The following SPTBN5 variants were observed in gnomAD, a reference collection of about 807,000 sequenced individuals.
SPTBN5 encodes spectrin beta chain, non-erythrocytic 5.
Under a neutral mutation model 477.6 loss-of-function variants are expected in SPTBN5, and 513 were observed. That is an observed-to-expected ratio of 1.07 (90% confidence interval 1.00 to 1.16). The LOEUF (loss-of-function observed/expected upper bound fraction) is 1.16. SPTBN5 is among the 50% of genes most tolerant of loss of function. The pLI is 0.00. For missense variants in SPTBN5, 5,062 were observed against 4,731.8 expected, an observed-to-expected ratio of 1.07 and a Z score of -2.05; for synonymous variants, 2,169 against 2,011.7, an observed-to-expected ratio of 1.08 and a Z score of -2.09.
Position 41,893,461 on chromosome 15 carries a change from C to G in SPTBN5, c.37G>C (p.Gly13Arg), listed in dbSNP as rs377126279. ...CTCCTGCTGCGGTGCCCTGCAGCCCCGAGGAGCTCCCGGGGACTGTGGGGC... is the reference window on the plus strand; with the variant it reads ...CTCCTGCTGCGGTGCCCTGCAGCCCGGAGGAGCTCCCGGGGACTGTGGGGC... ...GQPHSPRELL[G>R]AAGHRSRRPS... Residue 13 changes from glycine to arginine, a missense_variant, in exon 2 of 68, where the codon GGG becomes CGG. Gly to Arg is a moderately radical substitution (Grantham distance 125). Transcript: ENST00000320955. The G allele has an allele frequency of 2.5e-6, 4 of 1,605,160 alleles. No homozygotes were observed. Among genetic ancestry groups the G allele is most frequent in the Non-Finnish European group, 3.4e-6 (4 of 1,177,598 alleles).
intron 22 of SPTBN5, among the ~76,000 whole-genome samples, 169 bp from the exon 23 acceptor site, chr15:41,875,225 GCTT>G (rs1185183477): frequency 3.3e-5 from 5 of 152,200 alleles, no homozygotes; most frequent in Non-Finnish European, 5.9e-5. Flanking sequence ...GTTCCCTCAC[GCTT>G]CTTCTTCCCT....
Position 41,881,922 on chromosome 15 carries a change from G to A in SPTBN5, c.2457+14C>T. The A allele has an allele frequency of 1.3e-6, 2 of 1,524,068 alleles. No homozygotes were observed. Among genetic ancestry groups the A allele is most frequent in the Non-Finnish European group, 1.7e-6 (2 of 1,143,956 alleles). 94.4% of individuals were successfully genotyped at this position (1,524,068 alleles called of 1,614,324 possible). A position where few individuals can be genotyped will look rare whatever the true frequency, so the allele number is the denominator to read the frequency against. ...CAAGGGAGACCAGGCGCCCTTCCCT[G>A]TCCCCGTCCTCACCGTGAATAACGA... On this transcript the variant is annotated intron_variant, in intron 12 of 67. Transcript: ENST00000320955.
chr15:41,855,567 C>A lies in SPTBN5; in HGVS notation c.9200G>T (p.Ser3067Ile). 6.2e-7 allele frequency: 1 copy of A among 1,610,816 alleles called. No individual in the cohort carries two copies. Among genetic ancestry groups the A allele is most frequent in the Non-Finnish European group, 8.5e-7 (1 of 1,178,690 alleles). The change falls in exon 54 of 68, where the codon AGC (serine) becomes ATC (isoleucine). Residue 3067 changes from serine (S) to isoleucine (I), a missense_variant. Ser to Ile is a moderately radical substitution (Grantham distance 142). Transcript: ENST00000320955. ...CGCCCACCTTTCTGGGTTCTTCCTG[C>A]TCTCCAGGAGTGCTGCTGTCTGCTG... The part of the protein sequence containing the change: ...RLQQTAALLE[S>I]RKNPESPKVL...
At chr15:41,892,054 C>G (rs1405760762) in intron 3 of SPTBN5, among the ~76,000 whole-genome samples, 2 of 152,186 alleles carry the variant, frequency 1.3e-5, no homozygotes, top group African/African-American at 4.8e-5. Context: ...GCGTTCTGCT[C>G]TTGCACCTGC....
Position 41,864,035 on chromosome 15 carries a change from G to C in SPTBN5, c.6919-11C>G, listed in dbSNP as rs1277695128. On this transcript the variant is annotated splice_polypyrimidine_tract_variant and intron_variant, in intron 39 of 67. Transcript: ENST00000320955. ...ATCACCCACTGTGTCCTGCAGGGGA[G>C]GTATGGGTGAGGGCATTGGCACCCC... 1 of 1,606,552 alleles carries C rather than the reference G, an allele frequency of 6.2e-7. No individual in the cohort carries two copies. Among genetic ancestry groups the C allele is most frequent in the South Asian group, 1.1e-5 (1 of 90,642 alleles).
At chr15:41,893,568 G>C (rs1386428093) in intron 1 of SPTBN5, 22 bp from the exon 2 acceptor site, 2 of 1,522,400 alleles carry the variant, frequency 1.3e-6, no homozygotes, top group African/African-American at 2.8e-5. Flanking sequence ...GCAGATTAGG[G>C]GATGATGTGA....
intron 7 of SPTBN5, among the ~76,000 whole-genome samples, chr15:41,884,072 G>A (rs919311691): frequency 2.0e-5 from 3 of 152,090 alleles, no homozygotes; most frequent in Admixed American, 6.5e-5. Flanking sequence ...TGCCAGCTCC[G>A]CCTCCCAGGT....
Position 41,866,689 on chromosome 15 carries a change from G to A in SPTBN5, c.6481-196C>T, listed in dbSNP as rs8026006. 5.1e-3 allele frequency: 3,920 copies of A among 761,324 alleles called. 114 individuals carry two copies. The African/African-American group carries it at 0.064, about 12-fold the overall frequency. The allele number at this position is 761,324 out of a possible 1,614,324, so 47.2% of individuals were successfully genotyped here. On this transcript the variant is annotated intron_variant, in intron 36 of 67. Coordinates refer to ENST00000320955, the MANE Select transcript of SPTBN5 (RefSeq NM_016642.4). ...CGGGCAGGGCCTTGGGTGGGCTCTC[G>A]TTTTGGAGGTGTGGCCCCTACTCCT...
Position 41,874,870 on chromosome 15 carries a change from G to T in SPTBN5, c.4474C>A (p.Leu1492Met). ...CGGAGGTGCTTCTGGGTCTCTTCCAGGATGGCCGGGGAGGCGGCCATGCCA... is the reference window on the plus strand; with the variant it reads ...CGGAGGTGCTTCTGGGTCTCTTCCATGATGGCCGGGGAGGCGGCCATGCCA... Reference protein sequence around the residue: ...AHGMAASPAILEETQKHLRRL... With the variant: ...AHGMAASPAIMEETQKHLRRL... Residue 1492 changes from leucine to methionine, a missense_variant, in exon 23 of 68, where the codon CTG (leucine) becomes ATG (methionine). Coordinates refer to ENST00000320955, the MANE Select transcript of SPTBN5 (RefSeq NM_016642.4). 6.2e-7 allele frequency: 1 copy of T among 1,611,100 alleles called. No homozygotes were observed. Among genetic ancestry groups the T allele is most frequent in the Non-Finnish European group, 8.5e-7 (1 of 1,178,528 alleles).
intron 18 of SPTBN5, 45 bp from the exon 19 acceptor site, chr15:41,876,993 C>G (rs531709139): frequency 3.2e-6 from 5 of 1,578,924 alleles, no homozygotes. Context: ...GAATGGGGGT[C>G]AGGACCATCT....
rs2065623952 is a variant in SPTBN5, at chr15:41,848,352, G to GGCCTT, written c.*259_*263dup. ...GGCCACATGGGCCTGGGGTAGCCCTGGCCTTGCCCACCTGCTCTGCCGTAA... is the reference window on the plus strand; with the variant it reads ...GGCCACATGGGCCTGGGGTAGCCCTGGCCTTGCCTTGCCCACCTGCTCTGCCGTAA... On this transcript the variant is annotated 3_prime_UTR_variant, in exon 68 of 68. Coordinates refer to ENST00000320955, the MANE Select transcript of SPTBN5 (RefSeq NM_016642.4). 2 of 569,764 alleles carry GGCCTT rather than the reference G, an allele frequency of 3.5e-6. No individual in the cohort carries two copies. Among genetic ancestry groups the GGCCTT allele is most frequent in the East Asian group, 3.0e-5 (1 of 33,508 alleles). The allele number at this position is 569,764 out of a possible 1,614,324, so 35.3% of individuals were successfully genotyped here. A position where few individuals can be genotyped will look rare whatever the true frequency, so the allele number is the denominator to read the frequency against.
intron 24 of SPTBN5, 107 bp downstream of exon 24, chr15:41,874,185 A>T: frequency 1.3e-6 from 2 of 1,509,208 alleles, no homozygotes; most frequent in East Asian, 4.5e-5. Flanking sequence ...AAATTGGGAT[A>T]CCCAGGGGTG....
intron 59 of SPTBN5, 67 bp downstream of exon 59, chr15:41,853,191 C>T: frequency 6.5e-7 from 1 of 1,530,410 alleles, no homozygotes; most frequent in Non-Finnish European, 8.8e-7. Flanking sequence ...CTGTGAGGGG[C>T]CCTGAGGCCC....
At chr15:41,848,880 T>TA (rs1170997387) in intron 67 of SPTBN5, among the ~76,000 whole-genome samples, 3 of 152,192 alleles carry the variant, frequency 2.0e-5, no homozygotes, top group Non-Finnish European at 4.4e-5. Flanking sequence ...AGCCCTGGGT[T>TA]AGAGACAGCA....
chr15:41,872,598 A>G, intron 26 of SPTBN5, 139 bp from the exon 27 acceptor site: 1 of 872,864 alleles, frequency 1.1e-6, no homozygotes, highest in East Asian at 2.7e-5. Context: ...CAACTCATTC[A>G]TCCACCCACC....
intron 39 of SPTBN5, 121 bp from the exon 40 acceptor site, chr15:41,864,145 G>A: frequency 1.2e-6 from 1 of 863,258 alleles, no homozygotes. Context: ...TATTTGGGCA[G>A]TGGGAAGAAC....
At chr15:41,862,933 TG>T in intron 41 of SPTBN5, 30 bp from the exon 42 acceptor site, 1 of 1,547,980 alleles carries the variant, frequency 6.5e-7, no homozygotes. Flanking sequence ...AGTTACCTGC[TG>T]GGCCTTTGCT....
Position 41,882,380 on chromosome 15 carries a change from C to T in SPTBN5, c.2136G>A (p.Thr712=). Residue 712 remains threonine, a synonymous_variant, in exon 11 of 68, where the codon ACG becomes ACA. Coordinates refer to ENST00000320955, the MANE Select transcript of SPTBN5 (RefSeq NM_016642.4). ...CTGCCCGTTCCCCGGGATCCGGCTG[C>T]GTTGGGGGCCTGCGGGCGCTGAGGT... ...GRDLSARRPP[T]QPDPGERAEA... 1.3e-6 allele frequency: 2 copies of T among 1,537,526 alleles called. No individual in the cohort carries two copies. The highest frequency in any genetic ancestry group is 1.7e-6 in the Non-Finnish European group (2 of 1,147,532).
intron 60 of SPTBN5, 37 bp from the exon 61 acceptor site, chr15:41,852,772 G>GGT (rs1555460259): frequency 5.1e-6 from 8 of 1,582,918 alleles, no homozygotes; most frequent in Admixed American, 1.7e-5. Context: ...CCCAGCTTGG[G>GGT]GGGGGGGGCC....
Sources: gnomAD v4.1 joint callset for allele counts (sites outside exome capture counted in the v4.1 genomes callset) on GRCh38, gnomAD v4.1.1 for gene constraint, MANE v1.5 for transcripts, NCBI Gene and HGNC (gene_info 2026-07-23, HGNC 2026-07-21) for gene names.